Variants in AK5 observed in about 807,000 individuals in gnomAD.
AK5 encodes adenylate kinase 5.
In AK5, 27 loss-of-function variants were observed where a neutral mutation model predicts 69.5. That is an observed-to-expected ratio of 0.39 (90% CI 0.29 to 0.54). AK5 has a LOEUF of 0.54. AK5 is among the 20% of genes least tolerant of loss of function. The pLI is 0.71. For missense variants in AK5, 531 were observed against 700.4 expected, an observed-to-expected ratio of 0.76 and a Z score of 2.73; for synonymous variants, 260 against 244.4, an observed-to-expected ratio of 1.06 and a Z score of -0.60.
At chr1:77,377,078 A>C (rs11162329) in intron 6 of AK5, among the ~76,000 whole-genome samples, 111,320 of 152,086 alleles carry the variant, frequency 0.73, 41,912 homozygotes, top group South Asian at 0.85. Flanking sequence ...TACGAAGCAG[A>C]TCCTCTCCCA....
chr1:77,325,764 C>T (rs976438998), intron 5 of AK5, among the ~76,000 whole-genome samples: 1 of 151,686 alleles, frequency 6.6e-6, no homozygotes, highest in Non-Finnish European at 1.5e-5. Context: ...GCATCTCTTT[C>T]ATCTAGTGTG....
At chr1:77,400,579 A>G (rs2100546849) in intron 6 of AK5, among the ~76,000 whole-genome samples, 1 of 152,328 alleles carries the variant, frequency 6.6e-6, no homozygotes, top group Middle Eastern at 3.4e-3. Flanking sequence ...TCGTAGGAAT[A>G]ATCAAAGTTA....
intron 6 of AK5, among the ~76,000 whole-genome samples, chr1:77,382,244 T>G (rs1034940494): frequency 5.6e-5 from 8 of 141,752 alleles, no homozygotes; most frequent in Admixed American, 1.4e-4. Flanking sequence ...TTTTTTTTTT[T>G]TGCTTATTTC....
intron 6 of AK5, among the ~76,000 whole-genome samples, chr1:77,354,590 C>T (rs1662395695): frequency 6.6e-6 from 1 of 152,224 alleles, no homozygotes; most frequent in African/African-American, 2.4e-5. Flanking sequence ...GTACTACATC[C>T]GTTCATCCTA....
In AK5 at chr1:77,334,639, G is replaced by A. The variant is rs182142068; in HGVS notation, c.700-5738G>A. 2.4e-4 allele frequency among the ~76,000 whole-genome samples: 37 copies of A among 151,762 alleles called. No individual in the cohort carries two copies. In the South Asian group the frequency reaches 7.4e-3, roughly 30 times the overall value. On this transcript the variant is annotated intron_variant, in intron 5 of 13. Coordinates refer to ENST00000354567, the MANE Select transcript of AK5 (RefSeq NM_174858.3). Reference sequence around the variant, plus strand: ...CTTTTTCTTCTTTTGCTTCATTCTGGATTATTTTCTTCTGACCTGTCCTTT... The same window carrying A: ...CTTTTTCTTCTTTTGCTTCATTCTGAATTATTTTCTTCTGACCTGTCCTTT...
intron 8 of AK5, among the ~76,000 whole-genome samples, chr1:77,480,564 A>G (rs1655193063): frequency 6.6e-6 from 1 of 152,216 alleles, no homozygotes. Flanking sequence ...AATACAGCCT[A>G]GCCTATAAGG....
At chr1:77,336,004 T>C (rs1188272765) in intron 5 of AK5, among the ~76,000 whole-genome samples, 1 of 152,040 alleles carries the variant, frequency 6.6e-6, no homozygotes, top group Non-Finnish European at 1.5e-5. Context: ...ATCTCATTCA[T>C]GCTTTTTATT....
intron 5 of AK5, among the ~76,000 whole-genome samples, chr1:77,311,401 A>G (rs1250139446): frequency 9.2e-5 from 14 of 152,142 alleles, no homozygotes; most frequent in Non-Finnish European, 1.5e-5. Flanking sequence ...GAAGTATAGT[A>G]GTTTGACTCT....
chr1:77,543,069 C>T (rs1048975113), intron 13 of AK5, among the ~76,000 whole-genome samples: 7 of 152,160 alleles, frequency 4.6e-5, no homozygotes, highest in Admixed American at 3.3e-4. Context: ...ATAGTTTGAC[C>T]GTTTCCATTA....
At chr1:77,433,794 GTTCAT>G (rs71952893) in intron 8 of AK5, among the ~76,000 whole-genome samples, 16,957 of 151,812 alleles carry the variant, frequency 0.11, 1,036 homozygotes, top group East Asian at 0.25. Context: ...TTTTTTATCA[GTTCAT>G]TTAATTTCAT....
chr1:77,386,267 A>G (rs1481175295), intron 6 of AK5, among the ~76,000 whole-genome samples: 1 of 152,224 alleles, frequency 6.6e-6, no homozygotes, highest in African/African-American at 2.4e-5. Flanking sequence ...TCATTTATTC[A>G]GGATGGCAAT....
chr1:77,313,915 AGAAG>A (rs748706779), intron 5 of AK5: 6 of 523,150 alleles, frequency 1.1e-5, no homozygotes, highest in Non-Finnish European at 2.3e-5. Flanking sequence ...GTAAGAAAGC[AGAAG>A]TCTTTGCCTC....
chr1:77,401,662 T>C (rs1649224661), intron 6 of AK5, among the ~76,000 whole-genome samples: 1 of 152,164 alleles, frequency 6.6e-6, no homozygotes, highest in African/African-American at 2.4e-5. Flanking sequence ...GCAAGCCCTA[T>C]CTCTATTGCA....
chr1:77,367,854 A>AACATATGTG (rs1557534379), intron 6 of AK5, among the ~76,000 whole-genome samples: 1 of 2,212 alleles, frequency 4.5e-4, no homozygotes, highest in African/African-American at 1.8e-3. Flanking sequence ...TATTATATAT[A>AACATATGTG]ATATATAATA....
chr1:77,460,096 A>G (rs1226431062), intron 8 of AK5, among the ~76,000 whole-genome samples: 2 of 152,170 alleles, frequency 1.3e-5, no homozygotes, highest in African/African-American at 4.8e-5. Flanking sequence ...CAAGAATGCA[A>G]ATTTCATTAA....
intron 13 of AK5, among the ~76,000 whole-genome samples, chr1:77,547,063 C>G (rs1188511667): frequency 6.6e-6 from 1 of 152,158 alleles, no homozygotes; most frequent in Non-Finnish European, 1.5e-5. Flanking sequence ...TTCATTTATT[C>G]ATTCTTCCTG....
At chr1:77,392,634 G>T (rs555887578) in intron 6 of AK5, among the ~76,000 whole-genome samples, 4 of 152,112 alleles carry the variant, frequency 2.6e-5, no homozygotes, top group South Asian at 2.1e-4. Flanking sequence ...TGTGTTAATT[G>T]TGACTGGCAA....
intron 13 of AK5, among the ~76,000 whole-genome samples, chr1:77,551,667 C>T (rs1326116260): frequency 6.6e-6 from 1 of 152,084 alleles, no homozygotes. Flanking sequence ...TGAGGTGCTG[C>T]GTGCTGAGTC....
chr1:77,430,894 T>C (rs1651593760), intron 8 of AK5, among the ~76,000 whole-genome samples: 1 of 152,186 alleles, frequency 6.6e-6, no homozygotes, highest in South Asian at 2.1e-4. Flanking sequence ...CACTTAAGCA[T>C]GTTTTAACTC....
Sources: gnomAD v4.1 joint callset for allele counts (sites outside exome capture counted in the v4.1 genomes callset) on GRCh38, gnomAD v4.1.1 for gene constraint, MANE v1.5 for transcripts, NCBI Gene and HGNC (gene_info 2026-07-23, HGNC 2026-07-21) for gene names.